SPTA1: variants seen among roughly 807,000 people sequenced by gnomAD.
The protein encoded by SPTA1 is spectrin alpha, erythrocytic 1.
A neutral mutation model predicts 324.7 loss-of-function variants in SPTA1; 177 were observed. The observed-to-expected ratio is 0.55, with a 90% CI of 0.48 to 0.62. The LOEUF is 0.62. SPTA1 is among the 20% of genes least tolerant of loss of function. SPTA1 has a pLI of 0.00. For missense variants in SPTA1, 3,162 were observed against 2,883.6 expected (o/e 1.10, Z -2.21); for synonymous variants, 1,195 against 1,041.3 (o/e 1.15, Z -2.84).
chr1:158,669,562 A>AGCT lies in SPTA1; in HGVS notation c.1678-2_1678dup (p.Gly559_Leu560insGln). The AGCT allele has an allele frequency of 1.9e-6, 3 of 1,614,154 alleles. No individual in the cohort carries two copies. Among genetic ancestry groups the AGCT allele is most frequent in the Non-Finnish European group, 2.5e-6 (3 of 1,180,010 alleles). ...ACGTAGGGCATCCCGCCGGGCTAAC[A>AGCT]GCTGCAAAAACCATGAGTAAACTTA... On this transcript the variant is annotated inframe_insertion and splice_region_variant, in exon 14 of 52. Coordinates refer to ENST00000643759, the MANE Select transcript of SPTA1 (RefSeq NM_003126.4).
At chr1:158,644,731 T>C (rs1651866856) in intron 29 of SPTA1, among the ~76,000 whole-genome samples, 1 of 152,192 alleles carries the variant, frequency 6.6e-6, no homozygotes, top group South Asian at 2.1e-4. Flanking sequence ...CCCAAAAGCT[T>C]TAATCACTTC....
In SPTA1 at chr1:158,614,300, G is replaced by T. The variant is rs758023870; in HGVS notation, c.6795C>A (p.Ile2265=). ...TTAGAGTCTCTTCACTCACACCTTT[G>T]ATGTCCCTGAAAGAAAAAAAAAAAA... The part of the protein sequence containing the change: ...NLEQQIQAKD[I]KGVSEETLKE... Residue 2265 remains isoleucine, a synonymous_variant, in exon 49 of 52, where the codon ATC becomes ATA. Coordinates refer to ENST00000643759, the MANE Select transcript of SPTA1 (RefSeq NM_003126.4). 1 of 1,571,368 alleles carries T rather than the reference G, an allele frequency of 6.4e-7. No individual in the cohort carries two copies. Among genetic ancestry groups the T allele is most frequent in the Non-Finnish European group, 8.7e-7 (1 of 1,152,144 alleles).
At chr1:158,636,398 A>G (rs1187684928) in intron 37 of SPTA1, among the ~76,000 whole-genome samples, 2 of 152,148 alleles carry the variant, frequency 1.3e-5, no homozygotes, top group Admixed American at 1.3e-4. Context: ...CCAATTGTCA[A>G]TCATTCCCCA....
rs780355431 is a variant in SPTA1 at position 158,678,515 on chromosome 1, G to A, written c.698C>T (p.Pro233Leu). 1 of 1,613,346 alleles carries A rather than the reference G, an allele frequency of 6.2e-7. No individual in the cohort carries two copies. Among genetic ancestry groups the A allele is most frequent in the Admixed American group, 1.7e-5 (1 of 59,906 alleles). The change falls in exon 6 of 52, where the codon CCC becomes CTC. Residue 233 changes from proline to leucine, a missense_variant. Transcript: ENST00000643759. ...ECAEENHPDL[P>L]LIQSKQNEVN... ...CTCATTTTGCTTAGACTGAATTAAGGGTAGGTCAGGATGGTTTTCCTGTTG... is the reference window on the plus strand; with the variant it reads ...CTCATTTTGCTTAGACTGAATTAAGAGTAGGTCAGGATGGTTTTCCTGTTG...
intron 12 of SPTA1, 39 bp from the exon 13 acceptor site, chr1:158,669,825 G>T: frequency 6.2e-7 from 1 of 1,600,042 alleles, no homozygotes. Context: ...TTTTCCTTCA[G>T]TGACCACTGA....
In SPTA1 at chr1:158,648,770, A is replaced by G. The variant is rs967168446; in HGVS notation, c.3570-117T>C. On this transcript the variant is annotated intron_variant, in intron 25 of 51. Coordinates refer to ENST00000643759, the MANE Select transcript of SPTA1 (RefSeq NM_003126.4). ...TCACCATCCTCCCACCCACCCCCCC[A>G]CCCCAACCAATTATCATCATTGTTT... 8.6e-6 allele frequency: 8 copies of G among 931,662 alleles called. No individual in the cohort carries two copies. The African/African-American group carries it at 1.7e-4, about 20-fold the overall frequency. 57.7% of individuals were successfully genotyped at this position (931,662 alleles called of 1,614,324 possible).
At chr1:158,674,291 A>G (rs756403464) in intron 10 of SPTA1, 38 bp downstream of exon 10, 1 of 1,564,788 alleles carries the variant, frequency 6.4e-7, no homozygotes, top group Non-Finnish European at 8.8e-7. Flanking sequence ...GACTACATAT[A>G]TAATTGGAAT....
intron 36 of SPTA1, among the ~76,000 whole-genome samples, chr1:158,637,813 C>T (rs978783831): frequency 2.0e-5 from 3 of 152,234 alleles, no homozygotes; most frequent in Admixed American, 2.0e-4. Context: ...TGTATGTTAA[C>T]TGCTCTTCAC....
rs1409984260 is a variant in SPTA1 at position 158,639,968 on chromosome 1, G to A, written c.4777C>T (p.Leu1593Phe). 1 of 1,613,842 alleles carries A rather than the reference G, an allele frequency of 6.2e-7. No individual in the cohort carries two copies. Residue 1593 changes from leucine (L) to phenylalanine (F), a missense_variant, in exon 34 of 52, where the codon CTT (leucine) becomes TTT (phenylalanine). Leu to Phe is a conservative substitution (Grantham distance 22, BLOSUM62 0). Coordinates refer to ENST00000643759, the MANE Select transcript of SPTA1 (RefSeq NM_003126.4). ...EQLKEHWDHLLERTNDKGKKL... is the reference protein window; with the variant it reads ...EQLKEHWDHLFERTNDKGKKL... ...TTCCCTTTGTCATTTGTTCTCTCAA[G>A]CAGATGATCCCAATGTTCCTTCAGC... is the stretch of plus-strand genomic sequence containing the variant.
rs759728882 is a variant in SPTA1, at chr1:158,649,904, T to C, written c.3521A>G (p.Glu1174Gly). The change falls in exon 25 of 52, where the codon GAA becomes GGA. Residue 1174 changes from glutamate to glycine, a missense_variant. Physicochemically the swap from Glu to Gly is moderately conservative, Grantham distance 98. Coordinates refer to ENST00000643759, the MANE Select transcript of SPTA1 (RefSeq NM_003126.4). The stretch of plus-strand genomic sequence containing the variant: ...GGCACTGCCCAGCAGCTGCCGCTGT[T>C]CATCTGCAAGCCTCTGCAAAGAACC... ...RWGSLQRLAD[E>G]QRQLLGSAHA... 1.2e-5 allele frequency: 20 copies of C among 1,613,918 alleles called. No individual in the cohort carries two copies. Among genetic ancestry groups the C allele is most frequent in the Non-Finnish European group, 1.6e-5 (19 of 1,179,902 alleles).
intron 8 of SPTA1, among the ~76,000 whole-genome samples, chr1:158,675,566 C>G (rs1329886408): frequency 6.6e-6 from 1 of 152,106 alleles, no homozygotes; most frequent in Non-Finnish European, 1.5e-5. Flanking sequence ...ACTATATACA[C>G]TACATTTTTT....
At chr1:158,636,552 C>G (rs904905169) in intron 37 of SPTA1, 89 bp downstream of exon 37, 6 of 1,473,534 alleles carry the variant, frequency 4.1e-6, no homozygotes, top group Non-Finnish European at 5.7e-6. Context: ...CCTATTTTCA[C>G]GTTTTGTAGC....
At chr1:158,622,611 G>T in intron 43 of SPTA1, 1 of 270,248 alleles carries the variant, frequency 3.7e-6, no homozygotes, top group East Asian at 9.8e-5. Context: ...GTGAGAACAT[G>T]TTTTATGACA....
At position 158,678,592 on chromosome 1, in the gene SPTA1, A is replaced by G. The variant is rs543747320; in HGVS notation, c.679-58T>C. ...GAGATGAGATTATATTTAAAAAATTATTCAAACACTTTTCATTTTACATTA... is the reference window on the plus strand; with the variant it reads ...GAGATGAGATTATATTTAAAAAATTGTTCAAACACTTTTCATTTTACATTA... On this transcript the variant is annotated intron_variant, in intron 5 of 51. Transcript: ENST00000643759. 3.4e-5 allele frequency: 54 copies of G among 1,581,006 alleles called. 2 individuals carry two copies. The South Asian group carries it at 5.7e-4, about 17-fold the overall frequency.
chr1:158,644,187 A>G (rs1651823168), intron 30 of SPTA1, 66 bp downstream of exon 30: 4 of 1,589,532 alleles, frequency 2.5e-6, no homozygotes, highest in African/African-American at 1.3e-5. Context: ...AACCAGACAA[A>G]TGTGTAGGAT....
chr1:158,613,074 T>A, intron 50 of SPTA1, 113 bp from the exon 51 acceptor site: 1 of 1,167,490 alleles, frequency 8.6e-7, no homozygotes, highest in Non-Finnish European at 1.2e-6. Flanking sequence ...TCCAAGTGCC[T>A]CTTCCAACTA....
intron 8 of SPTA1, among the ~76,000 whole-genome samples, chr1:158,675,398 G>A (rs991074148): frequency 2.6e-5 from 4 of 151,854 alleles, no homozygotes; most frequent in African/African-American, 9.7e-5. Flanking sequence ...CCAGCTTTTT[G>A]ACCCATTTCA....
At chr1:158,659,627 G>A (rs544652915) in intron 18 of SPTA1, among the ~76,000 whole-genome samples, 9 of 9,020 alleles carry the variant, frequency 1.0e-3, no homozygotes, top group African/African-American at 2.1e-3. Context: ...TTTTTGAGAC[G>A]GAGTCTCGCT....
rs1557972504 is a variant in SPTA1 at position 158,662,764 on chromosome 1, TC to T, written c.2401del (p.Asp801ThrfsTer25). The T allele has an allele frequency of 6.2e-7, 1 of 1,614,022 alleles. No individual in the cohort carries two copies. Among genetic ancestry groups the T allele is most frequent in the African/African-American group, 1.3e-5 (1 of 75,000 alleles). On this transcript the variant is annotated frameshift_variant, in exon 17 of 52. Coordinates refer to ENST00000643759, the MANE Select transcript of SPTA1 (RefSeq NM_003126.4). LOFTEE classifies it high-confidence loss of function. ...GATCCAGGCCTCCTCATCCTCTGTG[TC>T]TCTACAAATCAGCTGCAGATGGAGA... Reference protein sequence around the residue: ...DLLHLQLICRDTEDEEAWIQE... With the variant: ...DLLHLQLICRXTEDEEAWIQE...
Sources: gnomAD v4.1 joint callset for allele counts (sites outside exome capture counted in the v4.1 genomes callset) on GRCh38, gnomAD v4.1.1 for gene constraint, MANE v1.5 for transcripts, NCBI Gene and HGNC (gene_info 2026-07-23, HGNC 2026-07-21) for gene names.